The following RBPMS variants were observed in gnomAD, a reference collection of about 807,000 sequenced individuals.
The protein encoded by RBPMS is RNA binding protein, mRNA processing factor, also known as RNA-binding protein with multiple splicing.
A neutral mutation model predicts 26.8 loss-of-function variants in RBPMS; 7 were observed. The ratio of observed to expected loss-of-function variants is 0.26; its 90% CI spans 0.15 to 0.49. RBPMS has a LOEUF of 0.49. RBPMS is among the 20% of genes least tolerant of loss of function. The probability of loss-of-function intolerance (pLI) is 0.98; values close to 1 mark genes in which losing one functional copy is unlikely to be tolerated. For synonymous variants in RBPMS, 96 were observed against 93.3 expected (o/e 1.03, Z -0.17); for missense variants, 186 against 250.0 (o/e 0.74, Z 1.73).
chr8:30,473,170 A>G (rs60365340), intron 1 of RBPMS, among the ~76,000 whole-genome samples: 60 of 152,120 alleles, frequency 3.9e-4, no homozygotes, highest in African/African-American at 1.4e-3. Flanking sequence ...TGTGTGTTTG[A>G]CCCTAAGCTT....
At chr8:30,498,138 C>T (rs1006018181) in intron 4 of RBPMS, among the ~76,000 whole-genome samples, 2 of 151,592 alleles carry the variant, frequency 1.3e-5, no homozygotes, top group Non-Finnish European at 2.9e-5. Context: ...ACATATGCCT[C>T]AGATCTACTG....
rs78448992 is a variant in RBPMS, at chr8:30,492,358, C to G, written c.247-11928C>G. 1.3e-3 allele frequency among the ~76,000 whole-genome samples: 198 copies of G among 152,250 alleles called. 1 individual carries two copies. Among genetic ancestry groups the G allele is most frequent in the African/African-American group, 4.5e-3 (186 of 41,548 alleles). ...GTATTAGATGCAAAAGTAGGTTGAT[C>G]TCCTTTTCAGTAATTAGAAGATTAA... On this transcript the variant is annotated intron_variant, in intron 4 of 8. Coordinates refer to ENST00000397323, the MANE Select transcript of RBPMS (RefSeq NM_001008710.3).
chr8:30,409,996 C>T (rs868029200), intron 1 of RBPMS, among the ~76,000 whole-genome samples: 7 of 152,152 alleles, frequency 4.6e-5, no homozygotes, highest in Admixed American at 1.3e-4. Flanking sequence ...TTTTAAAAGA[C>T]AATTCACCCA....
chr8:30,570,014 C>T (rs17554408), intron 8 of RBPMS, among the ~76,000 whole-genome samples: 32,458 of 152,108 alleles, frequency 0.21, 3,757 homozygotes, highest in South Asian at 0.38. Context: ...CTCATACTGT[C>T]GTCCAAAAAC....
intron 4 of RBPMS, among the ~76,000 whole-genome samples, chr8:30,502,123 C>T (rs1820616900): frequency 7.3e-6 from 1 of 136,446 alleles, no homozygotes; most frequent in Non-Finnish European, 1.5e-5. Flanking sequence ...CAAATTAGGT[C>T]ATTTTAACTT....
At position 30,477,132 on chromosome 8, in the gene RBPMS, A is replaced by G. The variant is rs111641480; in HGVS notation, c.145-667A>G. Among the ~76,000 whole-genome samples, 952 of 152,232 alleles carry G rather than the reference A, an allele frequency of 6.3e-3. 9 individuals are homozygous for G. Among genetic ancestry groups the G allele is most frequent in the African/African-American group, 0.022 (895 of 41,532 alleles). On this transcript the variant is annotated intron_variant, in intron 2 of 8. Transcript: ENST00000397323. ...TGTAGTGACGCCATCGGCTCACTGC[A>G]AGCTCTGCCTCCCGGGTTCATACCA...
intron 5 of RBPMS, among the ~76,000 whole-genome samples, chr8:30,510,760 G>A (rs147419394): frequency 2.0e-5 from 3 of 152,124 alleles, no homozygotes; most frequent in Admixed American, 1.3e-4. Flanking sequence ...TTTATTTTTT[G>A]TAGAGATGGG....
chr8:30,425,204 G>A (rs933506027), intron 1 of RBPMS, among the ~76,000 whole-genome samples: 9 of 151,536 alleles, frequency 5.9e-5, no homozygotes, highest in African/African-American at 1.9e-4. Flanking sequence ...TGATCCTCCC[G>A]CCTTGGCCTC....
At position 30,457,784 on chromosome 8, in the gene RBPMS, G is replaced by A. The variant is rs373334818; in HGVS notation, c.67-16995G>A. Reference sequence around the variant, plus strand: ...GTAGAGACGGGGTTTCACCATTTTGGTCAGGCTGGTCTCAAACTCCTGACC... The same window carrying A: ...GTAGAGACGGGGTTTCACCATTTTGATCAGGCTGGTCTCAAACTCCTGACC... On this transcript the variant is annotated intron_variant, in intron 1 of 8. Coordinates refer to ENST00000397323, the MANE Select transcript of RBPMS (RefSeq NM_001008710.3). Among the ~76,000 whole-genome samples the A allele has an allele frequency of 1.9e-3, 282 of 152,110 alleles. 2 individuals are homozygous for A. The highest frequency in any genetic ancestry group is 6.5e-3 in the African/African-American group (271 of 41,496).
At chr8:30,543,056 T>C (rs1362403200) in intron 5 of RBPMS, among the ~76,000 whole-genome samples, 1 of 152,164 alleles carries the variant, frequency 6.6e-6, no homozygotes, top group Admixed American at 6.5e-5. Context: ...AGGTAGTTTT[T>C]ACTGCCTTGT....
At chr8:30,417,758 T>C (rs1273490079) in intron 1 of RBPMS, among the ~76,000 whole-genome samples, 1 of 152,254 alleles carries the variant, frequency 6.6e-6, no homozygotes, top group Non-Finnish European at 1.5e-5. Context: ...CATGTTAGTA[T>C]GTGCAGCTGT....
intron 5 of RBPMS, among the ~76,000 whole-genome samples, chr8:30,511,486 A>AATATATATAT (rs869100800): frequency 2.6e-4 from 6 of 23,526 alleles, no homozygotes; most frequent in African/African-American, 9.9e-4. Flanking sequence ...AAAAAAAAAA[A>AATATATATAT]ATATATATAT....
At chr8:30,542,941 G>A (rs1825537627) in intron 5 of RBPMS, among the ~76,000 whole-genome samples, 1 of 152,190 alleles carries the variant, frequency 6.6e-6, no homozygotes, top group African/African-American at 2.4e-5. Flanking sequence ...GGACTCTGGT[G>A]TTGTTGCTTT....
At chr8:30,507,176 C>T (rs545337872) in intron 5 of RBPMS, among the ~76,000 whole-genome samples, 4 of 152,288 alleles carry the variant, frequency 2.6e-5, no homozygotes, top group African/African-American at 9.6e-5. Context: ...TGGCTTCAGG[C>T]TAGAAGATGT....
intron 4 of RBPMS, among the ~76,000 whole-genome samples, chr8:30,480,597 C>T (rs188686870): frequency 6.0e-4 from 91 of 152,212 alleles, no homozygotes; most frequent in African/African-American, 2.1e-3. Flanking sequence ...GATAAATGAC[C>T]TTCTTGTCAG....
intron 7 of RBPMS, chr8:30,565,673 G>T (rs1264099733): frequency 6.6e-6 from 1 of 152,292 alleles, no homozygotes; most frequent in Non-Finnish European, 1.5e-5. Flanking sequence ...TCACAAATGT[G>T]CATCCTTTTA....
Position 30,571,362 on chromosome 8 carries a change from C to CT in RBPMS, c.*838dup, listed in dbSNP as rs1388661166. ...TGTACAGTTTTATGTTTCCACTCTC[C>CT]TGTATGTGTAGCCACTCGATGCCTA... On this transcript the variant is annotated 3_prime_UTR_variant, in exon 9 of 9. Coordinates refer to ENST00000397323, the MANE Select transcript of RBPMS (RefSeq NM_001008710.3). The CT allele has an allele frequency of 1.3e-5, 2 of 152,262 alleles. No homozygotes were observed. Among genetic ancestry groups the CT allele is most frequent in the Non-Finnish European group, 2.9e-5 (2 of 68,062 alleles). 9.4% of individuals were successfully genotyped at this position (152,262 alleles called of 1,614,324 possible).
chr8:30,509,149 G>A (rs1242987307), intron 5 of RBPMS, among the ~76,000 whole-genome samples: 1 of 152,102 alleles, frequency 6.6e-6, no homozygotes, highest in African/African-American at 2.4e-5. Context: ...TAGTTTTGAT[G>A]CACAGTTGAG....
chr8:30,449,372 T>TG lies in RBPMS; in HGVS notation c.67-25407_67-25406insG, dbSNP rs1383802048. ...GATCCTTTTCCTCACATCTCCTCTT[T>TG]TTTTTTTTTTTTTTTTTTGAGACAG... On this transcript the variant is annotated intron_variant, in intron 1 of 8. Transcript: ENST00000397323. 1.9e-3 allele frequency among the ~76,000 whole-genome samples: 164 copies of TG among 84,136 alleles called. 1 individual carries two copies. Among genetic ancestry groups the TG allele is most frequent in the African/African-American group, 5.8e-3 (157 of 26,940 alleles). 55.2% of individuals were successfully genotyped at this position (84,136 alleles called of 152,430 possible).
Sources: gnomAD v4.1 joint callset for allele counts (sites outside exome capture counted in the v4.1 genomes callset) on GRCh38, gnomAD v4.1.1 for gene constraint, MANE v1.5 for transcripts, NCBI Gene and HGNC (gene_info 2026-07-23, HGNC 2026-07-21) for gene names.